Variants in TMED10 observed in about 807,000 individuals in gnomAD.
TMED10 encodes the protein transmembrane p24 trafficking protein 10.
A neutral mutation model predicts 23.1 loss-of-function variants in TMED10; 7 were observed. The ratio of observed to expected loss-of-function variants is 0.30; its 90% confidence interval spans 0.17 to 0.57. TMED10 has a LOEUF of 0.57. Among genes scored for constraint, TMED10 ranks in the 20% least tolerant of loss-of-function variants. TMED10 has a pLI of 0.91. For missense variants in TMED10, 162 were observed against 274.8 expected (o/e 0.59, Z 2.90); for synonymous variants, 113 against 106.9 (o/e 1.06, Z -0.35).
chr14:75,149,628 G>A (rs960763318), intron 2 of TMED10, among the ~76,000 whole-genome samples: 1 of 152,212 alleles, frequency 6.6e-6, no homozygotes, highest in African/African-American at 2.4e-5. Context: ...CAAAGGAACT[G>A]GTTCAGACAA....
rs199967756 is a variant in TMED10 at position 75,158,351 on chromosome 14, A to AG, written c.226-6209dup. Among the ~76,000 whole-genome samples, 57 of 152,248 alleles carry AG rather than the reference A, an allele frequency of 3.7e-4. 4 individuals are homozygous for AG. In the East Asian group the frequency reaches 0.01, roughly 27 times the overall value. ...TACTTTATTTTTATTTATTTTTGAG[A>AG]GGGGGCCTCACTGTTGCCCAGGCTG... On this transcript the variant is annotated intron_variant, in intron 1 of 4. Transcript: ENST00000303575.
intron 1 of TMED10, among the ~76,000 whole-genome samples, chr14:75,164,577 A>ATTTTTTTTTTTTT (rs60845992): frequency 2.2e-5 from 1 of 45,128 alleles, no homozygotes; most frequent in Non-Finnish European, 3.5e-5. Context: ...ATATATATAT[A>ATTTTTTTTTTTTT]TTTTTTTTTT....
intron 1 of TMED10, among the ~76,000 whole-genome samples, chr14:75,165,874 C>T (rs1896154410): frequency 6.6e-6 from 1 of 151,880 alleles, no homozygotes; most frequent in South Asian, 2.1e-4. Context: ...CCAGAAATAG[C>T]AAATTTCCAG....
At chr14:75,171,680 A>G (rs1435910463) in intron 1 of TMED10, among the ~76,000 whole-genome samples, 1 of 44,106 alleles carries the variant, frequency 2.3e-5, no homozygotes, top group Non-Finnish European at 5.8e-5. Flanking sequence ...ACTCCCAAAA[A>G]GTCTCCAGAA....
intron 2 of TMED10, among the ~76,000 whole-genome samples, chr14:75,151,305 C>T (rs977376259): frequency 2.6e-5 from 4 of 151,896 alleles, no homozygotes; most frequent in African/African-American, 4.8e-5. Flanking sequence ...CTGCAACCTC[C>T]ACCTCCTGGG....
At chr14:75,150,948 G>C (rs1252918455) in intron 2 of TMED10, among the ~76,000 whole-genome samples, 1 of 152,200 alleles carries the variant, frequency 6.6e-6, no homozygotes, top group Non-Finnish European at 1.5e-5. Context: ...TGTCACCCAG[G>C]CTGCAGTGCA....
chr14:75,156,145 C>T (rs35837165), intron 1 of TMED10, among the ~76,000 whole-genome samples: 1,633 of 152,184 alleles, frequency 0.011, 15 homozygotes, highest in Admixed American at 0.031. Flanking sequence ...GCTACCAGTA[C>T]TATGAAGACA....
intron 1 of TMED10, among the ~76,000 whole-genome samples, chr14:75,161,665 T>C (rs1896086693): frequency 1.3e-5 from 2 of 152,126 alleles, no homozygotes; most frequent in Admixed American, 1.3e-4. Flanking sequence ...TGACCTGATC[T>C]AATGCAGAGG....
At chr14:75,154,994 T>C (rs1197348933) in intron 1 of TMED10, among the ~76,000 whole-genome samples, 5 of 151,040 alleles carry the variant, frequency 3.3e-5, no homozygotes, top group Non-Finnish European at 7.4e-5. Flanking sequence ...AGTCTCGCTG[T>C]GTCACTCAGG....
intron 3 of TMED10, chr14:75,139,213 C>A (rs1895792300): frequency 4.5e-6 from 2 of 439,568 alleles, no homozygotes; most frequent in Middle Eastern, 3.5e-4. Flanking sequence ...AACTTAAAAT[C>A]TATTTATAAA....
intron 1 of TMED10, among the ~76,000 whole-genome samples, chr14:75,157,037 C>T (rs1459539983): frequency 6.6e-6 from 1 of 152,170 alleles, no homozygotes; most frequent in Non-Finnish European, 1.5e-5. Flanking sequence ...CTCCACAGGA[C>T]AGAAAGAAAG....
At chr14:75,145,173 G>T (rs1053164823) in intron 3 of TMED10, among the ~76,000 whole-genome samples, 4 of 152,200 alleles carry the variant, frequency 2.6e-5, no homozygotes, top group African/African-American at 9.7e-5. Context: ...GAGCTGTGTT[G>T]TAACTACATG....
chr14:75,142,868 T>A (rs952066290), intron 3 of TMED10, among the ~76,000 whole-genome samples: 13 of 152,156 alleles, frequency 8.5e-5, no homozygotes, highest in Admixed American at 2.0e-4. Context: ...TTCTTTTTTT[T>A]ATTTTTTTGA....
At chr14:75,159,591 CA>C (rs934907514) in intron 1 of TMED10, among the ~76,000 whole-genome samples, 16 of 152,294 alleles carry the variant, frequency 1.1e-4, no homozygotes, top group African/African-American at 3.8e-4. Flanking sequence ...CAGTGTCCTT[CA>C]AAAACTTTTT....
intron 3 of TMED10, among the ~76,000 whole-genome samples, chr14:75,139,360 T>TA (rs755091972): frequency 1.1e-4 from 16 of 151,680 alleles, no homozygotes; most frequent in Non-Finnish European, 1.2e-4. Flanking sequence ...ATTGTTTAGT[T>TA]AATCATTCAA....
chr14:75,147,486 G>A (rs925212843), intron 3 of TMED10, 178 bp downstream of exon 3: 22 of 705,576 alleles, frequency 3.1e-5, no homozygotes, highest in Non-Finnish European at 4.4e-5. Context: ...GAGCCACCGC[G>A]CCCGGCTAAG....
chr14:75,136,778 ACAGC>A (rs1287070259), intron 3 of TMED10: 1 of 152,050 alleles, frequency 6.6e-6, no homozygotes, highest in African/African-American at 2.4e-5. Context: ...TTAGAATGAC[ACAGC>A]CAGTTATCAA....
rs1895696424 is a variant in TMED10 at position 75,132,386 on chromosome 14, C to CG, written c.*2498_*2499insC. Reference sequence around the variant, plus strand: ...CTGGGCGTTGCAGCAAGACTCCGTCCCCCCCCCCCCAAAAAAAAAAAAGTT... The same window carrying CG: ...CTGGGCGTTGCAGCAAGACTCCGTCCGCCCCCCCCCCAAAAAAAAAAAAGTT... On this transcript the variant is annotated 3_prime_UTR_variant, in exon 5 of 5. Transcript: ENST00000303575. 9.3e-6 allele frequency: 1 copy of CG among 107,132 alleles called. No homozygotes were observed. The highest frequency in any genetic ancestry group is 3.6e-5 in the African/African-American group (1 of 27,498). 6.6% of individuals were successfully genotyped at this position (107,132 alleles called of 1,614,324 possible).
chr14:75,135,853 C>T lies in TMED10; in HGVS notation c.445G>A (p.Val149Ile). 2.5e-6 allele frequency: 4 copies of T among 1,614,034 alleles called. 1 individual carries two copies. The highest frequency in any genetic ancestry group is 4.5e-5 in the East Asian group (2 of 44,884). ...AKVEKLKPLEVELRRLEDLSE... is the reference protein window; with the variant it reads ...AKVEKLKPLEIELRRLEDLSE... ...AGGTCTTCTAGGCGTCGCAGCTCTA[C>T]CTCTAATGGTTTGAGCTTCTCAACT... Residue 149 changes from valine (V) to isoleucine (I), a missense_variant, in exon 4 of 5, where the codon GTA (valine) becomes ATA (isoleucine). Val to Ile is a conservative substitution (Grantham distance 29). Around this residue, in one of 2 missense-constraint regions of TMED10, gnomAD observed 126 missense variants for 239.5 expected, o/e 0.53. Transcript: ENST00000303575.
Sources: gnomAD v4.1 joint callset for allele counts (sites outside exome capture counted in the v4.1 genomes callset) on GRCh38, gnomAD v4.1.1 for gene constraint, gnomAD v4.1.1 regional missense constraint, MANE v1.5 for transcripts, NCBI Gene and HGNC (gene_info 2026-07-23, HGNC 2026-07-21) for gene names.